RPTOR: variants seen among roughly 807,000 people sequenced by gnomAD.
The protein encoded by RPTOR is regulatory-associated protein of mTOR.
In RPTOR, 21 loss-of-function variants were observed where a neutral mutation model predicts 169.9. That is an observed-to-expected ratio of 0.12 (90% confidence interval 0.09 to 0.18). The LOEUF is 0.18. RPTOR is among the 10% of genes least tolerant of loss of function. The pLI, the probability that RPTOR is intolerant of heterozygous loss-of-function variation, is 1.00. For synonymous variants in RPTOR, 732 were observed against 753.2 expected (o/e 0.97, Z 0.46); for missense variants, 1,133 against 1,855.9 (o/e 0.61, Z 7.16).
chr17:80,879,929 T>C lies in RPTOR; in HGVS notation c.1510-486T>C, dbSNP rs562108073. ...GGAAGCACCTGCTCAAGTGGGACTG[T>C]GCACACAAATCACTGGGAATTACTG... is the stretch of plus-strand genomic sequence containing the variant. On this transcript the variant is annotated intron_variant, in intron 13 of 33. Coordinates refer to ENST00000306801, the MANE Select transcript of RPTOR (RefSeq NM_020761.3). Among the ~76,000 whole-genome samples, 431 of 152,348 alleles carry C rather than the reference T, an allele frequency of 2.8e-3. 2 individuals are homozygous for C. The highest frequency in any genetic ancestry group is 4.7e-3 in the Non-Finnish European group (318 of 68,030).
intron 9 of RPTOR, among the ~76,000 whole-genome samples, chr17:80,829,407 T>G (rs1462201638): frequency 6.6e-6 from 1 of 152,226 alleles, no homozygotes; most frequent in Admixed American, 6.5e-5. Flanking sequence ...CAGTTGCCAG[T>G]CATAGAGTAG....
At chr17:80,920,893 G>A (rs961315607) in intron 21 of RPTOR, among the ~76,000 whole-genome samples, 1 of 152,222 alleles carries the variant, frequency 6.6e-6, no homozygotes, top group Non-Finnish European at 1.5e-5. Context: ...TGTCTGGCAG[G>A]TTCTGTGGGA....
intron 2 of RPTOR, among the ~76,000 whole-genome samples, chr17:80,632,430 G>A (rs564743942): frequency 6.6e-6 from 1 of 152,212 alleles, no homozygotes; most frequent in East Asian, 1.9e-4. Context: ...AGAGCTCACC[G>A]CCCTCTCCCA....
chr17:80,729,202 T>C (rs1413727383), intron 4 of RPTOR, among the ~76,000 whole-genome samples: 3 of 152,244 alleles, frequency 2.0e-5, no homozygotes, highest in Non-Finnish European at 4.4e-5. Flanking sequence ...TCTGGCCTTC[T>C]GTCCCTTTCC....
intron 11 of RPTOR, among the ~76,000 whole-genome samples, chr17:80,849,397 A>G (rs531716587): frequency 3.5e-4 from 53 of 152,342 alleles, no homozygotes; most frequent in Non-Finnish European, 7.2e-4. Flanking sequence ...TGAGCATGGA[A>G]CAGGCCCTTC....
At chr17:80,869,284 C>T (rs998855638) in intron 13 of RPTOR, among the ~76,000 whole-genome samples, 5 of 152,108 alleles carry the variant, frequency 3.3e-5, no homozygotes, top group Middle Eastern at 3.2e-3. Flanking sequence ...CTCCGCCTCC[C>T]GAGTAGCTAG....
At position 80,841,877 on chromosome 17, in the gene RPTOR, G is replaced by A. The variant is rs1468342256; in HGVS notation, c.1212+3880G>A. Among the ~76,000 whole-genome samples the A allele has an allele frequency of 1.3e-4, 11 of 81,758 alleles. 2 individuals are homozygous for A. Among genetic ancestry groups the A allele is most frequent in the Admixed American group, 2.7e-4 (2 of 7,294 alleles). The allele number at this position is 81,758 out of a possible 152,430, so 53.6% of individuals were successfully genotyped here. On this transcript the variant is annotated intron_variant, in intron 10 of 33. Transcript: ENST00000306801. ...CGCACGGCAGCTGACTCACCGCACCGCAGCTCACTCTTACCGCACGGCAGC... is the reference window on the plus strand; with the variant it reads ...CGCACGGCAGCTGACTCACCGCACCACAGCTCACTCTTACCGCACGGCAGC...
chr17:80,592,274 A>G (rs2065113098), intron 1 of RPTOR, among the ~76,000 whole-genome samples: 1 of 152,186 alleles, frequency 6.6e-6, no homozygotes, highest in Non-Finnish European at 1.5e-5. Flanking sequence ...TGGGTAAGGA[A>G]CTAAATACAA....
At position 80,845,849 on chromosome 17, in the gene RPTOR, C is replaced by T. The variant is rs1046115562; in HGVS notation, c.1213-624C>T. On this transcript the variant is annotated intron_variant, in intron 10 of 33. Coordinates refer to ENST00000306801, the MANE Select transcript of RPTOR (RefSeq NM_020761.3). The surrounding 1 kb of genome is among the most constrained non-coding windows in gnomAD (Gnocchi z 5.4). ...CTGATCCGGGGCCCAGTCAGCTCTC[C>T]ATCCTTATCTCGCCTGGCCCGGTGC... Among the ~76,000 whole-genome samples, 5 of 152,194 alleles carry T rather than the reference C, an allele frequency of 3.3e-5. No homozygotes were observed. Among genetic ancestry groups the T allele is most frequent in the African/African-American group, 1.2e-4 (5 of 41,452 alleles).
chr17:80,678,294 T>A (rs2065874327), intron 3 of RPTOR, among the ~76,000 whole-genome samples: 1 of 152,150 alleles, frequency 6.6e-6, no homozygotes, highest in South Asian at 2.1e-4. Context: ...CAGGGGAAAT[T>A]TAGTGTCCTG....
Position 80,957,483 on chromosome 17 carries a change from G to T in RPTOR, c.3371-141G>T. On this transcript the variant is annotated intron_variant, in intron 28 of 33. Coordinates refer to ENST00000306801, the MANE Select transcript of RPTOR (RefSeq NM_020761.3). The surrounding 1 kb of genome is among the most constrained non-coding windows in gnomAD (Gnocchi z 4.6). ...GGTCCCTAGCGGGAGCTCATATGAG[G>T]CATATGGACCCACCAGATGGGCTCG... is the stretch of plus-strand genomic sequence containing the variant. 2 of 738,248 alleles carry T rather than the reference G, an allele frequency of 2.7e-6. No homozygotes were observed. The highest frequency in any genetic ancestry group is 4.8e-6 in the Non-Finnish European group (2 of 414,496). 45.7% of individuals were successfully genotyped at this position (738,248 alleles called of 1,614,324 possible).
In RPTOR at chr17:80,631,104, C is replaced by T. The variant is rs573996591; in HGVS notation, c.265+5311C>T. Among the ~76,000 whole-genome samples, 89 of 152,316 alleles carry T rather than the reference C, an allele frequency of 5.8e-4. 1 individual carries two copies. The highest frequency in any genetic ancestry group is 2.0e-3 in the African/African-American group (82 of 41,566). On this transcript the variant is annotated intron_variant, in intron 2 of 33. Transcript: ENST00000306801. ...GAGTAGGCTGTTTTGCACCTTCCCT[C>T]ACCCCATCCTCCATGCTCTTCACCT...
intron 20 of RPTOR, among the ~76,000 whole-genome samples, chr17:80,902,683 C>T (rs1228283127): frequency 6.6e-6 from 1 of 152,238 alleles, no homozygotes; most frequent in African/African-American, 2.4e-5. Context: ...GGTCTGTGGC[C>T]TGTGTCCACA....
rs973974543 is a variant in RPTOR at position 80,893,781 on chromosome 17, G to A, written c.2317G>A (p.Glu773Lys). 5.0e-6 allele frequency: 8 copies of A among 1,596,258 alleles called. No individual in the cohort carries two copies. The highest frequency in any genetic ancestry group is 1.1e-5 in the South Asian group (1 of 89,792). The change falls in exon 20 of 34, where the codon GAG (glutamate) becomes AAG (lysine). Residue 773 changes from glutamate (E) to lysine (K), a missense_variant. Coordinates refer to ENST00000306801, the MANE Select transcript of RPTOR (RefSeq NM_020761.3). ...CGCCAGCAGCACCCTGGGCAGCCCCGAGAATGAGGAGCATATCCTGTCCTT... is the reference window on the plus strand; with the variant it reads ...CGCCAGCAGCACCCTGGGCAGCCCCAAGAATGAGGAGCATATCCTGTCCTT... ...SSASSTLGSP[E>K]NEEHILSFET... is the part of the protein sequence containing the mutation.
intron 24 of RPTOR, among the ~76,000 whole-genome samples, chr17:80,929,562 G>T (rs1292074446): frequency 1.3e-5 from 2 of 152,254 alleles, no homozygotes; most frequent in Admixed American, 6.5e-5. Flanking sequence ...TAAAGCTACA[G>T]TGGGGATTTC....
intron 20 of RPTOR, among the ~76,000 whole-genome samples, chr17:80,904,334 C>T (rs78927876): frequency 0.019 from 2,829 of 152,234 alleles, 47 homozygotes; most frequent in East Asian, 0.083. Context: ...CATCAGAGGG[C>T]GTAACCCGCT....
intron 4 of RPTOR, among the ~76,000 whole-genome samples, chr17:80,727,317 C>T (rs36100789): frequency 0.14 from 21,275 of 149,996 alleles, 1,967 homozygotes; most frequent in African/African-American, 0.28. Flanking sequence ...GCTCCGAGAA[C>T]GTGGACGCTG....
chr17:80,833,487 C>T (rs2067529917), intron 9 of RPTOR, among the ~76,000 whole-genome samples: 1 of 152,202 alleles, frequency 6.6e-6, no homozygotes, highest in Admixed American at 6.5e-5. Flanking sequence ...CTGTCGTGTG[C>T]TGCCAAACCT....
intron 6 of RPTOR, among the ~76,000 whole-genome samples, chr17:80,767,237 G>A (rs1032340166): frequency 2.6e-5 from 4 of 152,172 alleles, no homozygotes; most frequent in African/African-American, 9.7e-5. Flanking sequence ...CGTGCGTGGT[G>A]GCATACGCTT....
Sources: allele counts gnomAD v4.1 joint callset (sites outside exome capture counted in the v4.1 genomes callset), GRCh38; gene constraint gnomAD v4.1.1; non-coding constraint Gnocchi (gnomAD v3.1); transcripts MANE v1.5; gene names NCBI Gene and HGNC (gene_info 2026-07-23, HGNC 2026-07-21).